The following CAPN9 variants were observed in gnomAD, a reference collection of about 807,000 sequenced individuals.
CAPN9 encodes the protein calpain 9.
A neutral mutation model predicts 92.8 loss-of-function variants in CAPN9; 81 were observed. That is an observed-to-expected ratio of 0.87 (90% CI 0.73 to 1.05). CAPN9 has a LOEUF of 1.05. Ranked by LOEUF, CAPN9 falls within the 50% of genes least tolerant of loss-of-function variation. The pLI is 0.00. For synonymous variants in CAPN9, 304 were observed against 328.0 expected, an observed-to-expected ratio of 0.93 and a Z score of 0.79; for missense variants, 848 against 866.2, an observed-to-expected ratio of 0.98 and a Z score of 0.26.
At position 230,798,318 on chromosome 1, in the gene CAPN9, G is replaced by A. The variant is rs182183387; in HGVS notation, c.2046+98G>A. The A allele has an allele frequency of 1.4e-4, 109 of 778,154 alleles. No individual in the cohort carries two copies. The African/African-American group carries it at 1.6e-3, about 12-fold the overall frequency. 48.2% of individuals were successfully genotyped at this position (778,154 alleles called of 1,614,324 possible). A position where few individuals can be genotyped will look rare whatever the true frequency, so the allele number is the denominator to read the frequency against. ...GCCGAATGCTTGATTTCATGCAAGG[G>A]CTGACATCTAGCTGTGGGAGTGATT... On this transcript the variant is annotated intron_variant, in intron 19 of 19. Coordinates refer to ENST00000271971, the MANE Select transcript of CAPN9 (RefSeq NM_006615.3).
intron 7 of CAPN9, 58 bp downstream of exon 7, chr1:230,772,157 G>T: frequency 7.0e-7 from 1 of 1,429,110 alleles, no homozygotes; most frequent in Non-Finnish European, 9.9e-7. Flanking sequence ...GGCCAGAGCT[G>T]GCTTGTGCAG....
At chr1:230,751,666 A>AGAAG (rs1664840713) in intron 1 of CAPN9, among the ~76,000 whole-genome samples, 1 of 51,828 alleles carries the variant, frequency 1.9e-5, no homozygotes, top group East Asian at 3.9e-4. Flanking sequence ...AAAGAAAGAA[A>AGAAG]GAAAGAAAGA....
Position 230,791,832 on chromosome 1 carries a change from C to G in CAPN9, c.1658-32C>G, listed in dbSNP as rs367921065. ...GGTACATAGGTTTATCTTATCGGGTCAACTGAATTCAGCTTTCATGTGCAA... is the reference window on the plus strand; with the variant it reads ...GGTACATAGGTTTATCTTATCGGGTGAACTGAATTCAGCTTTCATGTGCAA... On this transcript the variant is annotated intron_variant, in intron 14 of 19. Transcript: ENST00000271971. 1.6e-5 allele frequency: 25 copies of G among 1,574,328 alleles called. No homozygotes were observed. In the African/African-American group the frequency reaches 2.6e-4, roughly 16 times the overall value.
intron 5 of CAPN9, among the ~76,000 whole-genome samples, 159 bp downstream of exon 5, chr1:230,767,868 T>G (rs1269076386): frequency 1.3e-5 from 2 of 150,570 alleles, no homozygotes; most frequent in Non-Finnish European, 3.0e-5. Context: ...ACACAAGTTT[T>G]GGGGGGAGGT....
At chr1:230,792,974 C>G in intron 17 of CAPN9, 46 bp downstream of exon 17, 1 of 1,467,208 alleles carries the variant, frequency 6.8e-7, no homozygotes, top group Non-Finnish European at 9.5e-7. Flanking sequence ...ATGCCAGGTA[C>G]TGCCTGTGGG....
intron 2 of CAPN9, among the ~76,000 whole-genome samples, chr1:230,757,811 T>G (rs555105975): frequency 2.1e-5 from 3 of 145,534 alleles, no homozygotes; most frequent in South Asian, 2.2e-4. Flanking sequence ...GCTGGGTGAG[T>G]GTGAGGGGAT....
At chr1:230,768,057 A>T (rs780392780) in intron 5 of CAPN9, among the ~76,000 whole-genome samples, 38 of 80,594 alleles carry the variant, frequency 4.7e-4, no homozygotes, top group Admixed American at 2.1e-3. Flanking sequence ...AATAAATAAA[A>T]AATAAAATAA....
intron 14 of CAPN9, chr1:230,790,443 A>T (rs942119947): frequency 1.7e-5 from 5 of 301,360 alleles, no homozygotes; most frequent in Admixed American, 6.5e-5. Flanking sequence ...ACCATAAATA[A>T]CCACTCTTAA....
chr1:230,755,512 G>T, intron 2 of CAPN9, 106 bp downstream of exon 2: 1 of 780,816 alleles, frequency 1.3e-6, no homozygotes, highest in East Asian at 2.7e-5. Context: ...CGGGGCTGGG[G>T]GAACAACACT....
Position 230,795,215 on chromosome 1 carries a change from T to A in CAPN9, c.1923T>A (p.Asp641Glu). 1.2e-6 allele frequency: 2 copies of A among 1,613,672 alleles called. No individual in the cohort carries two copies. Among genetic ancestry groups the A allele is most frequent in the Non-Finnish European group, 1.7e-6 (2 of 1,179,838 alleles). ...AGCTGATTGTGCTCAGGTATGCGGA[T>A]GAGGAGCTCCAGCTGGACTTCGATG... is the stretch of plus-strand genomic sequence containing the variant. Reference protein sequence around the residue: ...LLQLIVLRYADEELQLDFDDF... With the variant: ...LLQLIVLRYAEEELQLDFDDF... Residue 641 changes from aspartate (D) to glutamate (E), a missense_variant, in exon 18 of 20, where the codon GAT becomes GAA. By Grantham distance (45) the Asp-to-Glu change is conservative. Coordinates refer to ENST00000271971, the MANE Select transcript of CAPN9 (RefSeq NM_006615.3).
intron 12 of CAPN9, 63 bp from the exon 13 acceptor site, chr1:230,787,459 C>G (rs1486728733): frequency 7.0e-7 from 1 of 1,434,876 alleles, no homozygotes; most frequent in African/African-American, 1.4e-5. Context: ...TTCTTTCCTG[C>G]TATTTTTGTC....
intron 19 of CAPN9, among the ~76,000 whole-genome samples, chr1:230,800,850 C>T (rs1210963246): frequency 6.6e-6 from 1 of 152,180 alleles, no homozygotes; most frequent in African/African-American, 2.4e-5. Flanking sequence ...CTCTCCTTTT[C>T]CCCTGACCCA....
At chr1:230,754,480 T>C (rs1665092888) in intron 1 of CAPN9, among the ~76,000 whole-genome samples, 2 of 151,852 alleles carry the variant, frequency 1.3e-5, no homozygotes, top group Admixed American at 1.3e-4. Flanking sequence ...ATGGTATAGA[T>C]ACATGAAATT....
At chr1:230,761,368 G>A (rs751362730) in intron 3 of CAPN9, among the ~76,000 whole-genome samples, 1 of 152,096 alleles carries the variant, frequency 6.6e-6, no homozygotes, top group Admixed American at 6.6e-5. Context: ...CAGCCCCTCT[G>A]CAAGGAAAGC....
chr1:230,765,212 GAC>G (rs56286310), intron 4 of CAPN9, among the ~76,000 whole-genome samples: 18,702 of 131,842 alleles, frequency 0.14, 1,218 homozygotes, highest in African/African-American at 0.16. Context: ...ACACATGCAA[GAC>G]ACACACACAC....
intron 11 of CAPN9, 121 bp downstream of exon 11, chr1:230,780,829 A>G (rs1323255573): frequency 1.4e-6 from 1 of 716,262 alleles, no homozygotes; most frequent in Non-Finnish European, 2.4e-6. Context: ...TACCTGAGAA[A>G]CAAGGCAGGA....
intron 12 of CAPN9, 129 bp from the exon 13 acceptor site, chr1:230,787,393 G>A (rs1310608308): frequency 4.3e-6 from 3 of 700,630 alleles, no homozygotes; most frequent in Non-Finnish European, 7.5e-6. Flanking sequence ...ACAGGACGCA[G>A]CTTGTGCACA....
chr1:230,788,319 C>T (rs1667749564), intron 13 of CAPN9, among the ~76,000 whole-genome samples: 1 of 152,212 alleles, frequency 6.6e-6, no homozygotes, highest in East Asian at 1.9e-4. Context: ...CCTATCCTAG[C>T]TCTTTCCACT....
intron 14 of CAPN9, 134 bp downstream of exon 14, chr1:230,790,323 A>G: frequency 7.3e-7 from 1 of 1,377,760 alleles, no homozygotes. Flanking sequence ...CTTTAAAAAT[A>G]GCTTTCATTG....
Sources: gnomAD v4.1 joint callset for allele counts (sites outside exome capture counted in the v4.1 genomes callset) on GRCh38, gnomAD v4.1.1 for gene constraint, MANE v1.5 for transcripts, NCBI Gene and HGNC (gene_info 2026-07-23, HGNC 2026-07-21) for gene names.